OTUD7A: variants seen among roughly 807,000 people sequenced by gnomAD.
The protein encoded by OTUD7A is OTU domain-containing protein 7A.
Under a neutral mutation model 65.7 loss-of-function variants are expected in OTUD7A, and 12 were observed. That is an observed-to-expected ratio of 0.18 (90% CI 0.12 to 0.30). OTUD7A has a LOEUF of 0.30. Among genes scored for constraint, OTUD7A ranks in the 10% least tolerant of loss-of-function variants. OTUD7A has a pLI of 1.00. For missense variants in OTUD7A, 1,148 were observed against 1,304.8 expected (o/e 0.88, Z 1.85); for synonymous variants, 641 against 586.3 (o/e 1.09, Z -1.35).
intron 4 of OTUD7A, among the ~76,000 whole-genome samples, chr15:31,559,401 T>C (rs1399482770): frequency 2.0e-5 from 3 of 152,188 alleles, no homozygotes; most frequent in Non-Finnish European, 4.4e-5. Context: ...ATATACTACA[T>C]GGCACATGCG....
At chr15:31,531,319 C>G (rs1887613189) in intron 5 of OTUD7A, among the ~76,000 whole-genome samples, 1 of 151,890 alleles carries the variant, frequency 6.6e-6, no homozygotes, top group Non-Finnish European at 1.5e-5. Flanking sequence ...TTTCCTATTT[C>G]TCTTACTAAG....
chr15:31,758,867 C>T (rs769994745), intron 1 of OTUD7A, among the ~76,000 whole-genome samples: 4 of 147,122 alleles, frequency 2.7e-5, no homozygotes, highest in Non-Finnish European at 5.9e-5. Flanking sequence ...TTTTAATGTC[C>T]TGATTTAGCC....
intron 3 of OTUD7A, among the ~76,000 whole-genome samples, chr15:31,584,459 T>C (rs1247636756): frequency 6.6e-6 from 1 of 152,194 alleles, no homozygotes; most frequent in Non-Finnish European, 1.5e-5. Flanking sequence ...CAAAGCAGCC[T>C]CTGCTCACTT....
intron 1 of OTUD7A, among the ~76,000 whole-genome samples, chr15:31,781,873 A>C (rs1595764925): frequency 6.6e-6 from 1 of 152,248 alleles, no homozygotes; most frequent in Non-Finnish European, 1.5e-5. Context: ...TTTCCATCAG[A>C]AAGATTCTTA....
rs113345291 is a variant in OTUD7A, at chr15:31,769,426, T to C, written c.-100+101081A>G. Among the ~76,000 whole-genome samples the C allele has an allele frequency of 9.0e-4, 137 of 152,326 alleles. 1 individual carries two copies. Among genetic ancestry groups the C allele is most frequent in the Middle Eastern group, 6.8e-3 (2 of 294 alleles). On this transcript the variant is annotated intron_variant, in intron 1 of 12. Transcript: ENST00000307050. ...GGCAGTTTTTAAATAAAATTAAACA[T>C]ATACTTACGCATGACACAGCAATCT...
chr15:31,615,390 A>G (rs1044496605), intron 3 of OTUD7A, among the ~76,000 whole-genome samples: 1 of 152,236 alleles, frequency 6.6e-6, no homozygotes, highest in Non-Finnish European at 1.5e-5. Context: ...AAAAAAGTTT[A>G]TAATAAAATA....
intron 1 of OTUD7A, among the ~76,000 whole-genome samples, chr15:31,730,325 T>G (rs938281636): frequency 4.6e-5 from 7 of 152,234 alleles, no homozygotes; most frequent in African/African-American, 1.7e-4. Flanking sequence ...CCTCTGCATT[T>G]AAAGCTCTTA....
At chr15:31,778,371 A>C (rs1394763595) in intron 1 of OTUD7A, among the ~76,000 whole-genome samples, 1 of 152,202 alleles carries the variant, frequency 6.6e-6, no homozygotes. Context: ...TGGATCCCTC[A>C]AAGTGATGGG....
chr15:31,488,815 C>T (rs1261558400), intron 10 of OTUD7A, among the ~76,000 whole-genome samples: 1 of 152,210 alleles, frequency 6.6e-6, no homozygotes, highest in Non-Finnish European at 1.5e-5. Flanking sequence ...CCCTCTCCAC[C>T]CCCGCACCTC....
chr15:31,782,278 G>A (rs1325759061), intron 1 of OTUD7A, among the ~76,000 whole-genome samples: 3 of 152,250 alleles, frequency 2.0e-5, no homozygotes, highest in African/African-American at 7.2e-5. Flanking sequence ...GTGTGCAGGA[G>A]CAGCTGGGAG....
intron 1 of OTUD7A, among the ~76,000 whole-genome samples, chr15:31,720,287 G>C (rs547304124): frequency 6.6e-6 from 1 of 151,638 alleles, no homozygotes; most frequent in Non-Finnish European, 1.5e-5. Flanking sequence ...GATAGATCAT[G>C]ATGTTCCAGT....
rs573858265 is a variant in OTUD7A at position 31,720,646 on chromosome 15, C to T, written c.-99-63569G>A. 8.5e-5 allele frequency among the ~76,000 whole-genome samples: 13 copies of T among 152,190 alleles called. No homozygotes were observed. The East Asian group carries it at 2.5e-3, about 29-fold the overall frequency. ...CAATCTCCTGACCTCCTGATCTGCC[C>T]GCCTCAGCCTCCCAAAATGCTGGGA... On this transcript the variant is annotated intron_variant, in intron 1 of 12. Transcript: ENST00000307050.
intron 1 of OTUD7A, among the ~76,000 whole-genome samples, chr15:31,695,385 C>T (rs1428171142): frequency 1.3e-4 from 19 of 142,086 alleles, no homozygotes; most frequent in African/African-American, 4.5e-4. Context: ...TTTACATACC[C>T]ACCAACACTG....
At position 31,733,410 on chromosome 15, in the gene OTUD7A, T is replaced by C. The variant is rs540057015; in HGVS notation, c.-99-76333A>G. Among the ~76,000 whole-genome samples, 11 of 152,264 alleles carry C rather than the reference T, an allele frequency of 7.2e-5. No homozygotes were observed. In the South Asian group the frequency reaches 2.3e-3, roughly 32 times the overall value. Reference sequence around the variant, plus strand: ...TTGTGAATAAGCTGTTTCTTCTGCCTGGGTGTTCTTTCCACCCTCTACCTC... The same window carrying C: ...TTGTGAATAAGCTGTTTCTTCTGCCCGGGTGTTCTTTCCACCCTCTACCTC... On this transcript the variant is annotated intron_variant, in intron 1 of 12. Transcript: ENST00000307050.
intron 1 of OTUD7A, among the ~76,000 whole-genome samples, chr15:31,844,221 A>C (rs1897249917): frequency 6.6e-6 from 1 of 152,202 alleles, no homozygotes; most frequent in Non-Finnish European, 1.5e-5. Flanking sequence ...AGAATCGCAC[A>C]CTGCGCTGGG....
At chr15:31,692,861 G>A (rs1465535426) in intron 1 of OTUD7A, among the ~76,000 whole-genome samples, 3 of 149,488 alleles carry the variant, frequency 2.0e-5, no homozygotes, top group Admixed American at 6.6e-5. Context: ...CTCCACGGAC[G>A]TGCAGTCCCC....
intron 1 of OTUD7A, among the ~76,000 whole-genome samples, chr15:31,667,560 A>C (rs1317084781): frequency 6.6e-6 from 1 of 152,096 alleles, no homozygotes; most frequent in Non-Finnish European, 1.5e-5. Context: ...CAGATAGTTC[A>C]TTGGTGAGTT....
chr15:31,817,415 G>A (rs1896579020), intron 1 of OTUD7A, among the ~76,000 whole-genome samples: 2 of 152,022 alleles, frequency 1.3e-5, no homozygotes, highest in African/African-American at 4.8e-5. Context: ...AACACCAGGA[G>A]ATTAGGTGCC....
At chr15:31,673,404 G>A (rs904141914) in intron 1 of OTUD7A, among the ~76,000 whole-genome samples, 2 of 152,170 alleles carry the variant, frequency 1.3e-5, no homozygotes, top group African/African-American at 4.8e-5. Flanking sequence ...CTACAATCTT[G>A]CAACAGTGTA....
Sources: gnomAD v4.1 joint callset for allele counts (sites outside exome capture counted in the v4.1 genomes callset) on GRCh38, gnomAD v4.1.1 for gene constraint, MANE v1.5 for transcripts, NCBI Gene and HGNC (gene_info 2026-07-23, HGNC 2026-07-21) for gene names.